Variants in KIRREL1 observed in about 807,000 individuals in gnomAD.
KIRREL1 encodes the protein kin of IRRE-like protein 1.
KIRREL1 carries 25 observed loss-of-function variants against 83.3 expected under a neutral mutation model. The ratio of observed to expected loss-of-function variants is 0.30; its 90% CI spans 0.22 to 0.42. KIRREL1 has a LOEUF of 0.42. Among genes scored for constraint, KIRREL1 ranks in the 10% least tolerant of loss-of-function variants. The probability of loss-of-function intolerance (pLI) is 1.00; values close to 1 mark genes in which losing one functional copy is unlikely to be tolerated. For synonymous variants in KIRREL1, 388 were observed against 410.4 expected (o/e 0.95, Z 0.66); for missense variants, 812 against 1,032.3 (o/e 0.79, Z 2.92).
At chr1:158,039,134 T>TGCCATTTCA (rs1172831600) in intron 1 of KIRREL1, among the ~76,000 whole-genome samples, 1 of 152,192 alleles carries the variant, frequency 6.6e-6, no homozygotes. Flanking sequence ...ACTGAGGCTC[T>TGCCATTTCA]GCCATTTCAG....
chr1:158,027,173 G>A (rs1470681869), intron 1 of KIRREL1, among the ~76,000 whole-genome samples: 1 of 152,130 alleles, frequency 6.6e-6, no homozygotes, highest in African/African-American at 2.4e-5. Flanking sequence ...CCATCCTGAG[G>A]TTTTATTCCT....
chr1:158,030,396 C>G (rs755289934), intron 1 of KIRREL1, among the ~76,000 whole-genome samples: 30 of 152,198 alleles, frequency 2.0e-4, no homozygotes, highest in Non-Finnish European at 3.8e-4. Context: ...ATCCCAATAC[C>G]TTTATATCAT....
At chr1:158,022,743 G>A (rs1185331246) in intron 1 of KIRREL1, among the ~76,000 whole-genome samples, 3 of 152,098 alleles carry the variant, frequency 2.0e-5, no homozygotes, top group African/African-American at 7.3e-5. Context: ...CGGAAGGGCG[G>A]GAGAGAGGGT....
chr1:158,009,196 C>T (rs1164360367), intron 1 of KIRREL1, among the ~76,000 whole-genome samples: 1 of 152,148 alleles, frequency 6.6e-6, no homozygotes, highest in East Asian at 1.9e-4. Context: ...TCTTCAGGTC[C>T]CCGAGAAGCG....
intron 1 of KIRREL1, among the ~76,000 whole-genome samples, chr1:157,994,468 T>A (rs1342275804): frequency 6.6e-6 from 1 of 151,726 alleles, no homozygotes; most frequent in Non-Finnish European, 1.5e-5. Context: ...AAAGTGTTGC[T>A]GTCTGGGGCT....
At chr1:158,004,217 C>G (rs1659451145) in intron 1 of KIRREL1, among the ~76,000 whole-genome samples, 1 of 152,192 alleles carries the variant, frequency 6.6e-6, no homozygotes, top group African/African-American at 2.4e-5. Context: ...GGAACAGTAT[C>G]TGAAATACAA....
At chr1:158,006,247 GA>G (rs1045396633) in intron 1 of KIRREL1, among the ~76,000 whole-genome samples, 2 of 152,136 alleles carry the variant, frequency 1.3e-5, no homozygotes, top group African/African-American at 4.8e-5. Flanking sequence ...TTTTTCTGAA[GA>G]GAAAGGAATT....
chr1:158,047,723 G>A (rs1048303598), intron 1 of KIRREL1, among the ~76,000 whole-genome samples: 14 of 152,130 alleles, frequency 9.2e-5, no homozygotes, highest in Non-Finnish European at 1.9e-4. Flanking sequence ...TTATTATAAA[G>A]ATGGAGCTGG....
chr1:158,039,910 A>C (rs939883299), intron 1 of KIRREL1, among the ~76,000 whole-genome samples: 1 of 151,830 alleles, frequency 6.6e-6, no homozygotes, highest in Non-Finnish European at 1.5e-5. Context: ...TATGTTTTTC[A>C]GTTTGTTTTG....
At chr1:158,050,644 A>T (rs1340002987) in intron 1 of KIRREL1, among the ~76,000 whole-genome samples, 1 of 152,058 alleles carries the variant, frequency 6.6e-6, no homozygotes, top group Admixed American at 6.5e-5. Context: ...TTAACCATGA[A>T]TGGGAACTGG....
chr1:158,088,615 G>A (rs2101640423), intron 8 of KIRREL1, among the ~76,000 whole-genome samples, 161 bp downstream of exon 8: 1 of 150,718 alleles, frequency 6.6e-6, no homozygotes, highest in South Asian at 2.1e-4. Flanking sequence ...CTCCCGAGTA[G>A]CTGGGACTAC....
intron 1 of KIRREL1, 49 bp from the exon 2 acceptor site, chr1:158,076,064 G>C: frequency 1.3e-6 from 2 of 1,566,650 alleles, no homozygotes; most frequent in Non-Finnish European, 1.7e-6. Flanking sequence ...CCTCTTAGAG[G>C]AGCCCCTCTC....
chr1:158,052,271 C>T (rs1480148040), intron 1 of KIRREL1, among the ~76,000 whole-genome samples: 1 of 152,186 alleles, frequency 6.6e-6, no homozygotes, highest in Non-Finnish European at 1.5e-5. Context: ...CATTTATCTC[C>T]TGCCTGGAGG....
intron 3 of KIRREL1, among the ~76,000 whole-genome samples, chr1:158,081,674 C>T (rs552667201): frequency 1.1e-4 from 16 of 152,302 alleles, no homozygotes; most frequent in Middle Eastern, 3.4e-3. Context: ...GCTGGCTCAG[C>T]AGGCACCTTA....
intron 10 of KIRREL1, 76 bp downstream of exon 10, chr1:158,089,894 C>A: frequency 7.8e-7 from 1 of 1,289,424 alleles, no homozygotes. Context: ...CTCACTTCTG[C>A]TGGTTTTGCT....
intron 3 of KIRREL1, among the ~76,000 whole-genome samples, chr1:158,080,923 G>GATAAACATTTGTTTATCCTCTTCGAGCCT (rs1558014141): frequency 4.1e-5 from 6 of 146,994 alleles, no homozygotes; most frequent in Non-Finnish European, 4.6e-5. Flanking sequence ...CAGAGACTAG[G>GATAAACATTTGTTTATCCTCTTCGAGCCT]CAGGGCAGAA....
In KIRREL1 at chr1:158,065,051, C is replaced by T. The variant is rs532350313; in HGVS notation, c.53-11062C>T. On this transcript the variant is annotated intron_variant, in intron 1 of 14. Transcript: ENST00000359209. Reference sequence around the variant, plus strand: ...TTAAAATTAGAAACAGAGAGGGGTCCTTCAGAGTGCTTGCCTGGTATCAGA... The same window carrying T: ...TTAAAATTAGAAACAGAGAGGGGTCTTTCAGAGTGCTTGCCTGGTATCAGA... 5.3e-5 allele frequency among the ~76,000 whole-genome samples: 8 copies of T among 151,604 alleles called. No individual in the cohort carries two copies. The East Asian group carries it at 1.6e-3, about 29-fold the overall frequency.
intron 7 of KIRREL1, 71 bp downstream of exon 7, chr1:158,088,225 G>A: frequency 6.2e-7 from 1 of 1,608,086 alleles, no homozygotes; most frequent in Non-Finnish European, 8.5e-7. Context: ...CAGAGTCGGG[G>A]ACTGCTCCAT....
intron 1 of KIRREL1, among the ~76,000 whole-genome samples, chr1:158,027,090 T>C (rs1200356096): frequency 6.6e-6 from 1 of 152,166 alleles, no homozygotes; most frequent in Non-Finnish European, 1.5e-5. Flanking sequence ...CCACTTCCAA[T>C]ATCAATCGCA....
Sources: allele counts gnomAD v4.1 joint callset (sites outside exome capture counted in the v4.1 genomes callset), GRCh38; gene constraint gnomAD v4.1.1; transcripts MANE v1.5; gene names NCBI Gene and HGNC (gene_info 2026-07-23, HGNC 2026-07-21).